The following RTN1 variants were observed in gnomAD, a reference collection of about 807,000 sequenced individuals.
The protein encoded by RTN1 is reticulon 1, also known as reticulon-1.
A neutral mutation model predicts 65.5 loss-of-function variants in RTN1; 25 were observed. The ratio of observed to expected loss-of-function variants is 0.38; its 90% CI spans 0.28 to 0.53. The LOEUF (loss-of-function observed/expected upper bound fraction) is 0.53, where lower values mean the gene tolerates loss of function less well. Ranked by LOEUF, RTN1 falls within the 20% of genes least tolerant of loss-of-function variation. The pLI, the probability that RTN1 is intolerant of heterozygous loss-of-function variation, is 0.79. For synonymous variants in RTN1, 471 were observed against 447.6 expected, an observed-to-expected ratio of 1.05 and a Z score of -0.66; for missense variants, 983 against 1,025.4, an observed-to-expected ratio of 0.96 and a Z score of 0.57.
chr14:59,852,921 C>T (rs1410982130), intron 1 of RTN1, among the ~76,000 whole-genome samples: 2 of 152,240 alleles, frequency 1.3e-5, no homozygotes, highest in South Asian at 2.1e-4. Context: ...GTATTTGTGT[C>T]ATCTATCCAA....
chr14:59,742,908 G>A (rs1417904426), intron 2 of RTN1, among the ~76,000 whole-genome samples: 1 of 152,134 alleles, frequency 6.6e-6, no homozygotes, highest in African/African-American at 2.4e-5. Context: ...AACCTCGCAG[G>A]ATAAAAAGGG....
At chr14:59,749,134 A>ATATCTATCTATC (rs200420785) in intron 1 of RTN1, among the ~76,000 whole-genome samples, 1 of 64,938 alleles carries the variant, frequency 1.5e-5, no homozygotes, top group Non-Finnish European at 2.7e-5. Flanking sequence ...AGATATATCT[A>ATATCTATCTATC]TATCTATCTA....
intron 1 of RTN1, among the ~76,000 whole-genome samples, chr14:59,757,489 G>A (rs185741483): frequency 1.5e-3 from 225 of 152,208 alleles, no homozygotes; most frequent in African/African-American, 5.2e-3. Context: ...ATGATTGTGA[G>A]GCCTTCCCAG....
At chr14:59,844,735 T>C (rs1887375571) in intron 1 of RTN1, among the ~76,000 whole-genome samples, 1 of 152,236 alleles carries the variant, frequency 6.6e-6, no homozygotes, top group South Asian at 2.1e-4. Flanking sequence ...TATTATGTTA[T>C]GTGCATTTTG....
At position 59,766,760 on chromosome 14, in the gene RTN1, T is replaced by C. The variant is rs1885858257; in HGVS notation, c.242-20279A>G. On this transcript the variant is annotated intron_variant, in intron 1 of 8. Transcript: ENST00000267484. This position sits in a 1 kb window ranked among gnomAD's most constrained non-coding sequence, Gnocchi z 4.4. ...GCTATGTGCCAGTCACCATGCTCGG[T>C]GCTTAAAGTCTCAGTCATGCCAATA... 6.6e-6 allele frequency among the ~76,000 whole-genome samples: 1 copy of C among 151,716 alleles called. No individual in the cohort carries two copies. The highest frequency in any genetic ancestry group is 1.5e-5 in the Non-Finnish European group (1 of 67,876).
At chr14:59,845,723 C>A (rs914943972) in intron 1 of RTN1, among the ~76,000 whole-genome samples, 11 of 152,166 alleles carry the variant, frequency 7.2e-5, no homozygotes, top group African/African-American at 2.7e-4. Context: ...ATGCATAGAA[C>A]TACTACTTGT....
intron 1 of RTN1, among the ~76,000 whole-genome samples, chr14:59,824,249 T>C (rs1225685075): frequency 6.6e-6 from 1 of 152,228 alleles, no homozygotes; most frequent in Non-Finnish European, 1.5e-5. Flanking sequence ...CTAATAAACA[T>C]AAACTTGATG....
intron 2 of RTN1, among the ~76,000 whole-genome samples, chr14:59,728,238 A>C (rs1392919783): frequency 6.7e-6 from 1 of 149,506 alleles, no homozygotes; most frequent in Non-Finnish European, 1.5e-5. Flanking sequence ...ATTTCCAATA[A>C]GAATCAGTAT....
At chr14:59,598,998 T>C (rs752636905) in intron 8 of RTN1, among the ~76,000 whole-genome samples, 2 of 152,202 alleles carry the variant, frequency 1.3e-5, no homozygotes, top group Non-Finnish European at 2.9e-5. Context: ...AACACAGATA[T>C]GGGATGGCCA....
chr14:59,796,960 C>T lies in RTN1; in HGVS notation c.242-50479G>A, dbSNP rs189303893. ...TTCAATAAAAGTTTGTTGAGTTAATCAATAAAAGATCAGGTATGTTAAGGT... is the reference window on the plus strand; with the variant it reads ...TTCAATAAAAGTTTGTTGAGTTAATTAATAAAAGATCAGGTATGTTAAGGT... On this transcript the variant is annotated intron_variant, in intron 1 of 8. Coordinates refer to ENST00000267484, the MANE Select transcript of RTN1 (RefSeq NM_021136.3). 2.6e-5 allele frequency among the ~76,000 whole-genome samples: 4 copies of T among 152,156 alleles called. No homozygotes were observed. In the East Asian group the frequency reaches 7.7e-4, roughly 29 times the overall value.
chr14:59,600,693 T>C (rs1337561139), intron 8 of RTN1, among the ~76,000 whole-genome samples: 1 of 152,208 alleles, frequency 6.6e-6, no homozygotes, highest in African/African-American at 2.4e-5. Context: ...GAGAACCATG[T>C]GACTTGCCTA....
intron 3 of RTN1, among the ~76,000 whole-genome samples, chr14:59,696,902 C>A (rs576270269): frequency 1.3e-5 from 2 of 152,202 alleles, no homozygotes; most frequent in South Asian, 2.1e-4. Context: ...GGAAAAAAAA[C>A]AAGAATCACA....
At position 59,746,087 on chromosome 14, in the gene RTN1, G is replaced by A. The variant is rs769959164; in HGVS notation, c.636C>T (p.His212=). The change falls in exon 2 of 9, where the codon CAC becomes CAT. Residue 212 remains histidine, a synonymous_variant. Transcript: ENST00000267484. ...CCAAGTCTTTATCTTCCAGCTCGGG[G>A]TGATGTTGTTCTTGGTGCTTCACCT... is the stretch of plus-strand genomic sequence containing the variant. The part of the protein sequence containing the change: ...PEEVKHQEQH[H]PELEDKDLDF... The A allele has an allele frequency of 1.2e-6, 2 of 1,613,968 alleles. No individual in the cohort carries two copies. Among genetic ancestry groups the A allele is most frequent in the Non-Finnish European group, 8.5e-7 (1 of 1,180,008 alleles).
chr14:59,827,375 G>A (rs1042727236), intron 1 of RTN1, among the ~76,000 whole-genome samples: 4 of 152,114 alleles, frequency 2.6e-5, no homozygotes, highest in South Asian at 2.1e-4. Context: ...ACCGCGCCCC[G>A]CTGTATGTGG....
At position 59,712,647 on chromosome 14, in the gene RTN1, C is replaced by T. The variant is rs563782503; in HGVS notation, c.1765+14272G>A. 9.1e-4 allele frequency among the ~76,000 whole-genome samples: 138 copies of T among 152,264 alleles called. 1 individual carries two copies. The highest frequency in any genetic ancestry group is 3.1e-3 in the African/African-American group (129 of 41,546). Reference sequence around the variant, plus strand: ...GCATTAAATAAGTAATTAGGCCGGGCGTGGTGGCTCACACCTATAATCCCA... The same window carrying T: ...GCATTAAATAAGTAATTAGGCCGGGTGTGGTGGCTCACACCTATAATCCCA... On this transcript the variant is annotated intron_variant, in intron 3 of 8. Coordinates refer to ENST00000267484, the MANE Select transcript of RTN1 (RefSeq NM_021136.3).
At chr14:59,732,831 C>T (rs935872499) in intron 2 of RTN1, among the ~76,000 whole-genome samples, 1 of 152,192 alleles carries the variant, frequency 6.6e-6, no homozygotes, top group African/African-American at 2.4e-5. Flanking sequence ...GTTTTGTGGG[C>T]CCCACTTCTA....
At chr14:59,626,984 C>G (rs1882416641) in intron 3 of RTN1, among the ~76,000 whole-genome samples, 2 of 152,172 alleles carry the variant, frequency 1.3e-5, no homozygotes, top group Non-Finnish European at 2.9e-5. Flanking sequence ...TGAGAGTTCA[C>G]TTTCTCTAAC....
chr14:59,677,595 C>T (rs1957993), intron 3 of RTN1, among the ~76,000 whole-genome samples: 113,693 of 152,104 alleles, frequency 0.75, 42,767 homozygotes, highest in African/African-American at 0.8. Flanking sequence ...ATATTGGAGA[C>T]TTTTCATCAC....
intron 1 of RTN1, among the ~76,000 whole-genome samples, chr14:59,840,810 A>G (rs554853217): frequency 1.3e-5 from 2 of 152,264 alleles, no homozygotes; most frequent in Non-Finnish European, 2.9e-5. Context: ...GAGATGCCAA[A>G]CTCTTTCATT....
Sources: gnomAD v4.1 joint callset for allele counts (sites outside exome capture counted in the v4.1 genomes callset) on GRCh38, gnomAD v4.1.1 for gene constraint, Gnocchi (gnomAD v3.1) non-coding constraint, MANE v1.5 for transcripts, NCBI Gene and HGNC (gene_info 2026-07-23, HGNC 2026-07-21) for gene names.